The following CREB5 variants were observed in gnomAD, a reference collection of about 807,000 sequenced individuals.
CREB5 encodes the protein cyclic AMP-responsive element-binding protein 5.
CREB5 carries 19 observed loss-of-function variants against 57.1 expected under a neutral mutation model. The ratio of observed to expected loss-of-function variants is 0.33; its 90% CI spans 0.23 to 0.49. The LOEUF (loss-of-function observed/expected upper bound fraction) is 0.49, where lower values mean the gene tolerates loss of function less well. CREB5 is among the 20% of genes least tolerant of loss of function. The pLI, the probability that CREB5 is intolerant of heterozygous loss-of-function variation, is 0.99. For synonymous variants in CREB5, 238 were observed against 238.3 expected (o/e 1.00, Z 0.01); for missense variants, 579 against 671.6 (o/e 0.86, Z 1.52).
chr7:28,767,657 C>T (rs1363045115), intron 7 of CREB5, among the ~76,000 whole-genome samples: 1 of 152,224 alleles, frequency 6.6e-6, no homozygotes, highest in Admixed American at 6.5e-5. Flanking sequence ...AATCGGCACA[C>T]ACCCTTTCTA....
rs1224010453 is a variant in CREB5 at position 28,511,406 on chromosome 7, G to A, written c.291+3669G>A. On this transcript the variant is annotated intron_variant, in intron 4 of 10. Coordinates refer to ENST00000357727, the MANE Select transcript of CREB5 (RefSeq NM_182898.4). The stretch of plus-strand genomic sequence containing the variant: ...GCGGGTGTAATAAGGCTAGAGATCC[G>A]GGTCTGGGAGGGCAGATCCTGGGAG... Among the ~76,000 whole-genome samples the A allele has an allele frequency of 2.6e-5, 4 of 152,176 alleles. No homozygotes were observed. The South Asian group carries it at 6.2e-4, about 24-fold the overall frequency.
rs138276167 is a variant in CREB5, at chr7:28,755,527, C to T, written c.702+31195C>T. Among the ~76,000 whole-genome samples, 201 of 152,268 alleles carry T rather than the reference C, an allele frequency of 1.3e-3. 3 individuals are homozygous for T. The South Asian group carries it at 0.02, about 15-fold the overall frequency. On this transcript the variant is annotated intron_variant, in intron 7 of 10. Transcript: ENST00000357727. ...GCCAGCCTAAGGAAATGGTCATTAT[C>T]TTTTAGGCAATAGTGAGTCACTGGA...
intron 8 of CREB5, among the ~76,000 whole-genome samples, 160 bp downstream of exon 8, chr7:28,804,682 A>G (rs1031003499): frequency 6.6e-6 from 1 of 152,196 alleles, no homozygotes; most frequent in Non-Finnish European, 1.5e-5. Flanking sequence ...AGCCTTACCC[A>G]TAAGACCCTA....
chr7:28,531,826 C>T (rs530733130), intron 4 of CREB5, among the ~76,000 whole-genome samples: 3 of 151,980 alleles, frequency 2.0e-5, no homozygotes, highest in South Asian at 2.1e-4. Context: ...GTCAGGAGAT[C>T]GAGACCATCC....
chr7:28,454,906 G>A (rs58735506), intron 1 of CREB5, among the ~76,000 whole-genome samples: 10,259 of 152,172 alleles, frequency 0.067, 553 homozygotes, highest in East Asian at 0.28. Context: ...CCACATGGAT[G>A]CTGAAGTTGT....
intron 1 of CREB5, among the ~76,000 whole-genome samples, chr7:28,306,853 G>C (rs1407291458): frequency 6.6e-6 from 1 of 152,088 alleles, no homozygotes; most frequent in African/African-American, 2.4e-5. Flanking sequence ...GAGCCACCGC[G>C]CCCGGCCACA....
intron 3 of CREB5, among the ~76,000 whole-genome samples, chr7:28,506,422 G>T (rs1231139512): frequency 6.6e-6 from 1 of 152,216 alleles, no homozygotes; most frequent in East Asian, 1.9e-4. Flanking sequence ...AGACAGTCTA[G>T]ATCAAGCTGG....
intron 5 of CREB5, among the ~76,000 whole-genome samples, chr7:28,600,629 T>A (rs1248138195): frequency 6.6e-6 from 1 of 152,166 alleles, no homozygotes; most frequent in African/African-American, 2.4e-5. Flanking sequence ...GCAGCAAGAT[T>A]TGGAGTGAGG....
chr7:28,373,626 A>C (rs80159749), intron 1 of CREB5, among the ~76,000 whole-genome samples: 6 of 151,508 alleles, frequency 4.0e-5, no homozygotes, highest in Non-Finnish European at 7.4e-5. Flanking sequence ...AGATTTCACC[A>C]TGTTACCCAG....
At chr7:28,537,000 G>A (rs1186473363) in intron 4 of CREB5, among the ~76,000 whole-genome samples, 3 of 152,124 alleles carry the variant, frequency 2.0e-5, no homozygotes, top group South Asian at 2.1e-4. Flanking sequence ...TACTAAGCAC[G>A]TACTACATAC....
chr7:28,405,744 C>G (rs1787565365), intron 1 of CREB5, among the ~76,000 whole-genome samples: 1 of 152,164 alleles, frequency 6.6e-6, no homozygotes, highest in Non-Finnish European at 1.5e-5. Flanking sequence ...AACTTTGGGT[C>G]ATATTTTTGA....
chr7:28,334,343 G>A (rs1476915922), intron 1 of CREB5, among the ~76,000 whole-genome samples: 3 of 151,954 alleles, frequency 2.0e-5, no homozygotes, highest in Non-Finnish European at 2.9e-5. Flanking sequence ...ATTTAGTAGA[G>A]ACGGGGTTTC....
chr7:28,420,882 T>TG (rs1312623773), intron 1 of CREB5, among the ~76,000 whole-genome samples: 1 of 149,394 alleles, frequency 6.7e-6, no homozygotes, highest in South Asian at 2.1e-4. Flanking sequence ...TTATAAGAAA[T>TG]GGGGAAAAAG....
Position 28,430,461 on chromosome 7 carries a change from G to A in CREB5, c.3+17544G>A, listed in dbSNP as rs574284960. On this transcript the variant is annotated intron_variant, in intron 1 of 10. Transcript: ENST00000357727. ...AAGGCCTACTTCACAGCCTCTTCAA[G>A]AGGAGTCGATGGCCATGAATGTGAA... Among the ~76,000 whole-genome samples, 6 of 152,304 alleles carry A rather than the reference G, an allele frequency of 3.9e-5. 1 individual carries two copies. In the South Asian group the frequency reaches 1.2e-3, roughly 32 times the overall value.
intron 5 of CREB5, among the ~76,000 whole-genome samples, chr7:28,626,605 C>G (rs962330984): frequency 6.6e-6 from 1 of 152,246 alleles, no homozygotes; most frequent in Middle Eastern, 3.4e-3. Flanking sequence ...CACTTCAAAC[C>G]CTGGGGTGAT....
intron 7 of CREB5, among the ~76,000 whole-genome samples, chr7:28,729,214 A>G (rs1436365216): frequency 1.3e-5 from 2 of 152,208 alleles, no homozygotes; most frequent in Non-Finnish European, 1.5e-5. Flanking sequence ...TTCTTTTCAC[A>G]AGTGAGGACA....
At chr7:28,385,206 A>G (rs1787062874) in intron 1 of CREB5, among the ~76,000 whole-genome samples, 1 of 152,170 alleles carries the variant, frequency 6.6e-6, no homozygotes, top group Admixed American at 6.5e-5. Flanking sequence ...AAGAGTATTG[A>G]TGTCCTCTGA....
At chr7:28,301,942 C>T (rs1290045941) in intron 1 of CREB5, among the ~76,000 whole-genome samples, 4 of 152,160 alleles carry the variant, frequency 2.6e-5, no homozygotes, top group Admixed American at 2.6e-4. Flanking sequence ...GGAAAAGTGA[C>T]TGAGTGAAGT....
intron 1 of CREB5, among the ~76,000 whole-genome samples, chr7:28,327,229 C>T (rs913565810): frequency 4.0e-5 from 6 of 151,540 alleles, no homozygotes; most frequent in African/African-American, 1.5e-4. Context: ...TAGGCACAAC[C>T]AAGTGAGAAA....
Sources: gnomAD v4.1 joint callset for allele counts (sites outside exome capture counted in the v4.1 genomes callset) on GRCh38, gnomAD v4.1.1 for gene constraint, MANE v1.5 for transcripts, NCBI Gene and HGNC (gene_info 2026-07-23, HGNC 2026-07-21) for gene names.